The following TMEM45A variants were observed in gnomAD, a reference collection of about 807,000 sequenced individuals.
TMEM45A encodes the protein transmembrane protein 45A, also known as DNA polymerase-transactivated protein 4.
TMEM45A carries 25 observed loss-of-function variants against 32.0 expected under a neutral mutation model. That is an observed-to-expected ratio of 0.78 (90% CI 0.57 to 1.09). The LOEUF is 1.09. Ranked by LOEUF, TMEM45A falls within the 50% of genes least tolerant of loss-of-function variation. The pLI, the probability that TMEM45A is intolerant of heterozygous loss-of-function variation, is 0.00. For missense variants in TMEM45A, 302 were observed against 325.0 expected (o/e 0.93, Z 0.54); for synonymous variants, 122 against 114.8 (o/e 1.06, Z -0.40).
At chr3:100,550,845 G>A (rs969923850) in intron 1 of TMEM45A, among the ~76,000 whole-genome samples, 3 of 152,130 alleles carry the variant, frequency 2.0e-5, no homozygotes, top group African/African-American at 7.2e-5. Flanking sequence ...GGGTAATGGG[G>A]ATACCAGGAG....
intron 1 of TMEM45A, among the ~76,000 whole-genome samples, chr3:100,541,403 G>A (rs768674079): frequency 1.3e-5 from 2 of 151,996 alleles, no homozygotes; most frequent in African/African-American, 2.4e-5. Flanking sequence ...CCTTTATGAA[G>A]GCCAATGTCC....
intron 4 of TMEM45A, among the ~76,000 whole-genome samples, chr3:100,567,910 G>A (rs189558974): frequency 5.3e-5 from 8 of 151,822 alleles, no homozygotes; most frequent in Admixed American, 3.3e-4. Context: ...TCAGCCTCCC[G>A]AGTAGCTGGG....
intron 1 of TMEM45A, among the ~76,000 whole-genome samples, chr3:100,513,376 A>G (rs1708201948): frequency 1.3e-5 from 2 of 151,726 alleles, no homozygotes; most frequent in African/African-American, 4.9e-5. Context: ...GACAAAAACC[A>G]CATGATTATC....
chr3:100,511,128 C>T (rs1478707872), intron 1 of TMEM45A, among the ~76,000 whole-genome samples: 6 of 151,868 alleles, frequency 4.0e-5, no homozygotes, highest in African/African-American at 1.5e-4. Context: ...GAGAATGCCA[C>T]AAAGATACTC....
At chr3:100,511,385 T>G (rs901364777) in intron 1 of TMEM45A, among the ~76,000 whole-genome samples, 24 of 151,306 alleles carry the variant, frequency 1.6e-4, no homozygotes, top group Non-Finnish European at 3.1e-4. Flanking sequence ...GCTTCATAAG[T>G]GAAGGAGAAA....
intron 3 of TMEM45A, among the ~76,000 whole-genome samples, chr3:100,557,805 A>C (rs1706253514): frequency 6.6e-6 from 1 of 152,200 alleles, no homozygotes; most frequent in Non-Finnish European, 1.5e-5. Context: ...TCTTCATGAA[A>C]AAGATGAAGC....
Position 100,568,922 on chromosome 3 carries a change from C to T in TMEM45A, c.689C>T (p.Ala230Val), listed in dbSNP as rs1706499665. ...FLTICFCWHY[A>V]VTIVIVGMNY... ...ACCATATGCTTTTGTTGGCATTATGCAGTAACCATTGTCATCGTTGGAATG... is the reference window on the plus strand; with the variant it reads ...ACCATATGCTTTTGTTGGCATTATGTAGTAACCATTGTCATCGTTGGAATG... Residue 230 changes from alanine (A) to valine (V), a missense_variant, in exon 5 of 6, where the codon GCA (alanine) becomes GTA (valine). Physicochemically the swap from Ala to Val is moderately conservative, Grantham distance 64. Transcript: ENST00000323523. 2 of 1,613,656 alleles carry T rather than the reference C, an allele frequency of 1.2e-6. No individual in the cohort carries two copies. The highest frequency in any genetic ancestry group is 1.7e-6 in the Non-Finnish European group (2 of 1,179,786).
At chr3:100,528,303 G>A (rs1705586052) in intron 1 of TMEM45A, among the ~76,000 whole-genome samples, 1 of 152,208 alleles carries the variant, frequency 6.6e-6, no homozygotes, top group Non-Finnish European at 1.5e-5. Context: ...TTTTCCCAGG[G>A]ATCCTTGTTC....
intron 4 of TMEM45A, among the ~76,000 whole-genome samples, chr3:100,565,501 C>T (rs550919754): frequency 2.6e-5 from 4 of 151,674 alleles, no homozygotes; most frequent in African/African-American, 4.8e-5. Flanking sequence ...ATTTATTAGA[C>T]GTGTAATCAT....
At chr3:100,568,785 G>A in intron 4 of TMEM45A, 37 bp from the exon 5 acceptor site, 1 of 1,564,894 alleles carries the variant, frequency 6.4e-7, no homozygotes, top group Non-Finnish European at 8.7e-7. Flanking sequence ...GAATGTGATT[G>A]GTTATTTTAA....
rs569656641 is a variant in TMEM45A, at chr3:100,536,910, G to A, written c.-3-18299G>A. 4.6e-5 allele frequency among the ~76,000 whole-genome samples: 7 copies of A among 152,312 alleles called. 1 individual carries two copies. In the South Asian group the frequency reaches 1.5e-3, roughly 32 times the overall value. On this transcript the variant is annotated intron_variant, in intron 1 of 5. Coordinates refer to ENST00000323523, the MANE Select transcript of TMEM45A (RefSeq NM_018004.3). ...CATATTTGTTTGTATTTTGGCAGTA[G>A]GGGGAAGGAGGAAGTGGGGATTTTT...
chr3:100,527,119 G>A (rs893752552), intron 1 of TMEM45A, among the ~76,000 whole-genome samples: 1 of 152,144 alleles, frequency 6.6e-6, no homozygotes, highest in African/African-American at 2.4e-5. Flanking sequence ...GATCTCTTTG[G>A]AAGATGTAGT....
intron 1 of TMEM45A, among the ~76,000 whole-genome samples, chr3:100,532,456 G>A (rs546852895): frequency 4.6e-5 from 7 of 152,300 alleles, no homozygotes; most frequent in Admixed American, 2.0e-4. Flanking sequence ...TAAAAATGCA[G>A]ATTCTGAGCT....
intron 4 of TMEM45A, among the ~76,000 whole-genome samples, chr3:100,566,209 T>G (rs1269878974): frequency 6.6e-6 from 1 of 152,206 alleles, no homozygotes; most frequent in Non-Finnish European, 1.5e-5. Flanking sequence ...TGACTATTAT[T>G]AATAGTTCTA....
At chr3:100,519,677 A>G in intron 1 of TMEM45A, 3 of 1,470,070 alleles carry the variant, frequency 2.0e-6, no homozygotes, top group Non-Finnish European at 2.8e-6. Context: ...TTTGATTCAT[A>G]AAGACCTAGT....
chr3:100,512,536 T>C (rs1444714108), intron 1 of TMEM45A, among the ~76,000 whole-genome samples: 4 of 152,062 alleles, frequency 2.6e-5, no homozygotes, highest in African/African-American at 4.8e-5. Context: ...AGATCCAAAA[T>C]TGACACCCTA....
At chr3:100,534,584 G>A (rs1024802242) in intron 1 of TMEM45A, among the ~76,000 whole-genome samples, 15 of 152,174 alleles carry the variant, frequency 9.9e-5, no homozygotes, top group Admixed American at 6.5e-5. Flanking sequence ...AGGGAACGTG[G>A]CCCTGCCAGC....
chr3:100,569,601 G>C (rs1162327788), intron 5 of TMEM45A, among the ~76,000 whole-genome samples: 1 of 152,132 alleles, frequency 6.6e-6, no homozygotes, highest in Non-Finnish European at 1.5e-5. Flanking sequence ...TAGTTTTGTT[G>C]TTTGTAAAAT....
chr3:100,576,870 T>C, intron 5 of TMEM45A, 55 bp from the exon 6 acceptor site: 1 of 1,352,264 alleles, frequency 7.4e-7, no homozygotes, highest in Non-Finnish European at 1.1e-6. Context: ...TGCATATTGC[T>C]CTGGGTTTCT....
Sources: gnomAD v4.1 joint callset for allele counts (sites outside exome capture counted in the v4.1 genomes callset) on GRCh38, gnomAD v4.1.1 for gene constraint, MANE v1.5 for transcripts, NCBI Gene and HGNC (gene_info 2026-07-23, HGNC 2026-07-21) for gene names.